The following TACC2 variants were observed in gnomAD, a reference collection of about 807,000 sequenced individuals.
TACC2 encodes the protein transforming acidic coiled-coil containing protein 2.
TACC2 carries 137 observed loss-of-function variants against 227.3 expected under a neutral mutation model. The ratio of observed to expected loss-of-function variants is 0.60; its 90% confidence interval spans 0.52 to 0.69. The LOEUF (loss-of-function observed/expected upper bound fraction) is 0.69, where lower values mean the gene tolerates loss of function less well. Among genes scored for constraint, TACC2 ranks in the 30% least tolerant of loss-of-function variants. TACC2 has a pLI of 0.00. For missense variants in TACC2, 3,470 were observed against 3,694.4 expected, an observed-to-expected ratio of 0.94 and a Z score of 1.57; for synonymous variants, 1,523 against 1,487.5, an observed-to-expected ratio of 1.02 and a Z score of -0.55.
intron 6 of TACC2, among the ~76,000 whole-genome samples, chr10:122,138,582 C>G (rs2090052385): frequency 6.6e-6 from 1 of 152,164 alleles, no homozygotes; most frequent in Non-Finnish European, 1.5e-5. Context: ...AAATGGATCT[C>G]CCAAAAGTCT....
intron 7 of TACC2, among the ~76,000 whole-genome samples, chr10:122,173,803 G>T (rs1383518265): frequency 2.0e-5 from 3 of 152,234 alleles, no homozygotes; most frequent in Admixed American, 6.5e-5. Context: ...TAACAGATAA[G>T]GGAAGAGCAT....
chr10:122,172,217 G>T (rs1397907566), intron 7 of TACC2, among the ~76,000 whole-genome samples: 1 of 152,200 alleles, frequency 6.6e-6, no homozygotes, highest in Non-Finnish European at 1.5e-5. Flanking sequence ...GTTTTGACTC[G>T]TGGTTACAGC....
intron 11 of TACC2, among the ~76,000 whole-genome samples, chr10:122,217,356 C>CAGAAATGGGG (rs1489923073): frequency 6.6e-6 from 1 of 151,848 alleles, no homozygotes; most frequent in African/African-American, 2.4e-5. Context: ...CAGAAATGGG[C>CAGAAATGGGG]TCCGGACAAC....
At chr10:122,019,044 T>A (rs1419711998) in intron 1 of TACC2, among the ~76,000 whole-genome samples, 1 of 152,226 alleles carries the variant, frequency 6.6e-6, no homozygotes, top group African/African-American at 2.4e-5. Flanking sequence ...ACTGGTTGCA[T>A]GCATGCAAAG....
chr10:122,164,798 A>T (rs1357608321), intron 7 of TACC2, among the ~76,000 whole-genome samples: 1 of 152,100 alleles, frequency 6.6e-6, no homozygotes, highest in East Asian at 1.9e-4. Flanking sequence ...ACCTGCCCCC[A>T]CTTTTCCAGA....
chr10:122,094,373 G>A (rs2137380777), intron 5 of TACC2, among the ~76,000 whole-genome samples: 1 of 152,230 alleles, frequency 6.6e-6, no homozygotes, highest in East Asian at 1.9e-4. Context: ...AATTCCTGGG[G>A]TCAAGCAACT....
In TACC2 at chr10:122,142,327, C is replaced by T. The variant is rs111463954; in HGVS notation, c.5700-1245C>T. 4.6e-5 allele frequency among the ~76,000 whole-genome samples: 7 copies of T among 152,314 alleles called. No homozygotes were observed. In the East Asian group the frequency reaches 5.8e-4, roughly 13 times the overall value. On this transcript the variant is annotated intron_variant, in intron 6 of 22. Transcript: ENST00000369005. ...CTGTGGGCGGCCTGGCCCAGGGTTG[C>T]GATCCTGCGGTGGATGTGGCAGATG...
intron 7 of TACC2, among the ~76,000 whole-genome samples, chr10:122,174,835 TG>T (rs1316529611): frequency 6.6e-5 from 10 of 152,322 alleles, no homozygotes; most frequent in African/African-American, 2.2e-4. Flanking sequence ...ACTGAAGTTT[TG>T]TGCCTTTGAC....
At chr10:121,997,689 T>C (rs999696701) in intron 1 of TACC2, among the ~76,000 whole-genome samples, 11 of 152,022 alleles carry the variant, frequency 7.2e-5, no homozygotes, top group Non-Finnish European at 1.6e-4. Flanking sequence ...CTGAGGGTGA[T>C]GACAGTGTTT....
At chr10:122,033,289 C>T (rs998343431) in intron 2 of TACC2, 16 of 450,232 alleles carry the variant, frequency 3.6e-5, no homozygotes, top group African/African-American at 2.4e-4. Flanking sequence ...TTGCTTCTTC[C>T]ATCCACCCCA....
chr10:121,994,550 C>T (rs10159998), intron 1 of TACC2: 23,257 of 152,192 alleles, frequency 0.15, 2,168 homozygotes, highest in Admixed American at 0.24. Context: ...CCTCCCAGGC[C>T]GGCGTTCCCA....
At chr10:122,173,097 G>A (rs1490722878) in intron 7 of TACC2, among the ~76,000 whole-genome samples, 1 of 152,124 alleles carries the variant, frequency 6.6e-6, no homozygotes, top group Non-Finnish European at 1.5e-5. Context: ...AGAAAAGAGG[G>A]CATATATCGC....
At chr10:122,019,091 AGCCGGAGGCTGCGGG>A (rs1957028253) in intron 1 of TACC2, among the ~76,000 whole-genome samples, 2 of 152,250 alleles carry the variant, frequency 1.3e-5, no homozygotes, top group African/African-American at 4.8e-5. Flanking sequence ...AACTGCGGAC[AGCCGGAGGCTGCGGG>A]GCCGGAGGGT....
chr10:122,119,025 A>G (rs1592222246), intron 5 of TACC2, among the ~76,000 whole-genome samples: 1 of 152,188 alleles, frequency 6.6e-6, no homozygotes, highest in Non-Finnish European at 1.5e-5. Context: ...AACCATTTTT[A>G]AGTGTACAGT....
At chr10:122,093,865 C>G (rs1405840096) in intron 5 of TACC2, among the ~76,000 whole-genome samples, 1 of 152,140 alleles carries the variant, frequency 6.6e-6, no homozygotes, top group Non-Finnish European at 1.5e-5. Flanking sequence ...CGAAACCATC[C>G]TGGAAATTAA....
chr10:122,065,713 C>T (rs1214079325), intron 3 of TACC2, among the ~76,000 whole-genome samples: 1 of 152,076 alleles, frequency 6.6e-6, no homozygotes, highest in African/African-American at 2.4e-5. Flanking sequence ...TTGGAAATAC[C>T]AGACTATAAT....
chr10:122,120,930 A>G (rs780077541), intron 5 of TACC2, among the ~76,000 whole-genome samples: 1 of 152,054 alleles, frequency 6.6e-6, no homozygotes, highest in Non-Finnish European at 1.5e-5. Flanking sequence ...ATGCCCAGCT[A>G]ATTTTTGCAT....
Position 122,082,814 on chromosome 10 carries a change from A to T in TACC2, c.314A>T (p.Glu105Val), listed in dbSNP as rs750363676. The change falls in exon 4 of 23, where the codon GAG becomes GTG. Residue 105 changes from glutamate (E) to valine (V), a missense_variant. Around this residue, in one of 10 missense-constraint regions of TACC2, gnomAD observed 405 missense variants for 389.6 expected, o/e 1.04. Transcript: ENST00000369005. ...AGCCCACCACCGTCCCAGGAGCGAG[A>T]GCACCCCTCGTCCTCCATGCCCTTT... is the stretch of plus-strand genomic sequence containing the variant. ...LPSPPPSQEREHPSSSMPFAE... is the reference protein window; with the variant it reads ...LPSPPPSQERVHPSSSMPFAE... 1.2e-6 allele frequency: 2 copies of T among 1,613,694 alleles called. No homozygotes were observed. The highest frequency in any genetic ancestry group is 1.7e-6 in the Non-Finnish European group (2 of 1,180,024).
At chr10:122,156,260 G>C (rs1311850256) in intron 7 of TACC2, among the ~76,000 whole-genome samples, 1 of 147,358 alleles carries the variant, frequency 6.8e-6, no homozygotes, top group Non-Finnish European at 1.5e-5. Context: ...GTCTTGCTCT[G>C]TCACACAGGC....
Sources: gnomAD v4.1 joint callset for allele counts (sites outside exome capture counted in the v4.1 genomes callset) on GRCh38, gnomAD v4.1.1 for gene constraint, gnomAD v4.1.1 regional missense constraint, MANE v1.5 for transcripts, NCBI Gene and HGNC (gene_info 2026-07-23, HGNC 2026-07-21) for gene names.